Variants in ACTR3B observed in about 807,000 individuals in gnomAD.
ACTR3B encodes the protein actin related protein 3B.
A neutral mutation model predicts 59.0 loss-of-function variants in ACTR3B; 8 were observed. That is an observed-to-expected ratio of 0.14 (90% CI 0.08 to 0.24). ACTR3B has a LOEUF of 0.24. Ranked by LOEUF, ACTR3B falls within the 10% of genes least tolerant of loss-of-function variation. The pLI, the probability that ACTR3B is intolerant of heterozygous loss-of-function variation, is 1.00. For missense variants in ACTR3B, 245 were observed against 552.3 expected (o/e 0.44, Z 5.58); for synonymous variants, 148 against 197.9 (o/e 0.75, Z 2.12).
intron 5 of ACTR3B, among the ~76,000 whole-genome samples, chr7:152,815,933 G>GTT: frequency 6.8e-6 from 1 of 147,824 alleles, no homozygotes; most frequent in African/African-American, 2.5e-5. Context: ...TAAAACTTTA[G>GTT]TTTTTTTTTT....
At chr7:152,823,654 T>A in intron 8 of ACTR3B, 139 bp downstream of exon 8, 1 of 1,093,804 alleles carries the variant, frequency 9.1e-7, no homozygotes, top group Non-Finnish European at 1.3e-6. Flanking sequence ...CCTGTGCAGT[T>A]TGTCTGCTTG....
At chr7:152,833,426 T>A (rs1311893331) in intron 9 of ACTR3B, among the ~76,000 whole-genome samples, 1 of 152,124 alleles carries the variant, frequency 6.6e-6, no homozygotes, top group Non-Finnish European at 1.5e-5. Flanking sequence ...GAAGTAAAAC[T>A]TTTCAAGAAC....
chr7:152,806,957 A>C (rs969892474), intron 4 of ACTR3B, among the ~76,000 whole-genome samples: 1 of 152,058 alleles, frequency 6.6e-6, no homozygotes, highest in South Asian at 2.1e-4. Context: ...TGCTTTCACA[A>C]CTCTGGCTGG....
chr7:152,780,149 G>A (rs944039444), intron 1 of ACTR3B, among the ~76,000 whole-genome samples: 3 of 152,060 alleles, frequency 2.0e-5, no homozygotes, highest in Non-Finnish European at 4.4e-5. Flanking sequence ...TCAGGAGTTT[G>A]AGACCAGCTT....
At chr7:152,846,149 G>A (rs930331227) in intron 9 of ACTR3B, among the ~76,000 whole-genome samples, 1 of 151,154 alleles carries the variant, frequency 6.6e-6, no homozygotes, top group Middle Eastern at 3.2e-3. Flanking sequence ...TCTAGTGCCC[G>A]GGCTGTAGTC....
intron 3 of ACTR3B, among the ~76,000 whole-genome samples, chr7:152,801,023 T>G (rs577127298): frequency 6.6e-6 from 1 of 152,274 alleles, no homozygotes; most frequent in Admixed American, 6.5e-5. Context: ...TTTTTAAAGC[T>G]CCAGATCCAA....
intron 9 of ACTR3B, among the ~76,000 whole-genome samples, chr7:152,836,615 T>C (rs1454742806): frequency 7.9e-4 from 120 of 152,220 alleles, no homozygotes; most frequent in African/African-American, 1.6e-3. Flanking sequence ...GTCTGTGCTC[T>C]ATAAGCAGTG....
chr7:152,842,547 G>A (rs2116964025), intron 9 of ACTR3B, among the ~76,000 whole-genome samples: 1 of 149,360 alleles, frequency 6.7e-6, no homozygotes. Context: ...GGGGGCTGCT[G>A]GAAATGGAGT....
In ACTR3B at chr7:152,824,299, C is replaced by T. The variant is rs1343801568; in HGVS notation, c.859-731C>T. Among the ~76,000 whole-genome samples, 3 of 152,184 alleles carry T rather than the reference C, an allele frequency of 2.0e-5. No individual in the cohort carries two copies. Among genetic ancestry groups the T allele is most frequent in the Non-Finnish European group, 4.4e-5 (3 of 68,040 alleles). ...AATAATAATGATAATCTAGTGAATG[C>T]TCACTTTTAATATGTTGATTTGAAA... On this transcript the variant is annotated intron_variant, in intron 8 of 11. Transcript: ENST00000256001. This position sits in a 1 kb window ranked among gnomAD's most constrained non-coding sequence, Gnocchi z 4.2.
intron 9 of ACTR3B, among the ~76,000 whole-genome samples, chr7:152,831,867 A>C (rs1427278948): frequency 6.6e-6 from 1 of 152,158 alleles, no homozygotes; most frequent in Non-Finnish European, 1.5e-5. Context: ...AACATTATCA[A>C]CTGGGGCTCC....
rs551089727 is a variant in ACTR3B at position 152,774,040 on chromosome 7, A to C, written c.45-9147A>C. On this transcript the variant is annotated intron_variant, in intron 1 of 11. Transcript: ENST00000256001. ...CTGTCTTTCTTATATCTCTAAAGTC[A>C]GGCACGATGGGTCCTCAGCTTTTCA... Among the ~76,000 whole-genome samples the C allele has an allele frequency of 1.1e-4, 17 of 152,292 alleles. No homozygotes were observed. In the South Asian group the frequency reaches 3.5e-3, roughly 32 times the overall value.
intron 2 of ACTR3B, among the ~76,000 whole-genome samples, chr7:152,783,919 G>A (rs1324662955): frequency 2.0e-5 from 3 of 151,932 alleles, no homozygotes; most frequent in Admixed American, 2.0e-4. Flanking sequence ...TTGGAACCCC[G>A]TCTCTATCAA....
intron 1 of ACTR3B, among the ~76,000 whole-genome samples, chr7:152,760,321 A>C (rs531644486): frequency 6.6e-6 from 1 of 152,138 alleles, no homozygotes; most frequent in Non-Finnish European, 1.5e-5. Context: ...AGCGTGAGGC[A>C]CAGATCATCA....
At chr7:152,777,323 AAAAAAAAC>A (rs2098138454) in intron 1 of ACTR3B, among the ~76,000 whole-genome samples, 3 of 151,946 alleles carry the variant, frequency 2.0e-5, no homozygotes, top group Admixed American at 2.0e-4. Flanking sequence ...AACAAAAAAC[AAAAAAAAC>A]AAAACGGACT....
chr7:152,832,711 T>C (rs1266469245), intron 9 of ACTR3B, among the ~76,000 whole-genome samples: 2 of 152,140 alleles, frequency 1.3e-5, no homozygotes. Flanking sequence ...TTGGCTTGCT[T>C]TCAGGCTGGC....
intron 1 of ACTR3B, among the ~76,000 whole-genome samples, chr7:152,762,086 T>G (rs1327169240): frequency 6.6e-6 from 1 of 152,214 alleles, no homozygotes; most frequent in Non-Finnish European, 1.5e-5. Flanking sequence ...CACTAATGAT[T>G]TATTGGACAG....
At chr7:152,788,893 C>G (rs1225963345) in intron 2 of ACTR3B, among the ~76,000 whole-genome samples, 2 of 152,182 alleles carry the variant, frequency 1.3e-5, no homozygotes, top group Non-Finnish European at 2.9e-5. Flanking sequence ...TGTGGTGGCT[C>G]ACACCTGTAA....
chr7:152,809,457 T>C (rs1393037884), intron 4 of ACTR3B, among the ~76,000 whole-genome samples: 1 of 152,184 alleles, frequency 6.6e-6, no homozygotes. Context: ...CCTTACCCGT[T>C]CTTAGCCAGC....
intron 9 of ACTR3B, 111 bp from the exon 10 acceptor site, chr7:152,852,015 G>A (rs1380049501): frequency 4.9e-5 from 70 of 1,415,176 alleles, no homozygotes; most frequent in East Asian, 1.4e-4. Context: ...TCATAGGGCC[G>A]ATGTGTCGTG....
Sources: gnomAD v4.1 joint callset for allele counts (sites outside exome capture counted in the v4.1 genomes callset) on GRCh38, gnomAD v4.1.1 for gene constraint, Gnocchi (gnomAD v3.1) non-coding constraint, MANE v1.5 for transcripts, NCBI Gene and HGNC (gene_info 2026-07-23, HGNC 2026-07-21) for gene names.